GNMT: variants seen among roughly 807,000 people sequenced by gnomAD.
The protein encoded by GNMT is epididymis secretory sperm binding protein Li 182mP.
A neutral mutation model predicts 30.2 loss-of-function variants in GNMT; 26 were observed. That is an observed-to-expected ratio of 0.86 (90% confidence interval 0.63 to 1.19). The LOEUF is 1.19. Among genes scored for constraint, GNMT ranks in the 50% most tolerant of loss-of-function variants. The probability of loss-of-function intolerance (pLI) is 0.00; values close to 1 mark genes in which losing one functional copy is unlikely to be tolerated. For missense variants in GNMT, 365 were observed against 398.1 expected (o/e 0.92, Z 0.71); for synonymous variants, 163 against 163.8 (o/e 1.00, Z 0.04).
At chr6:42,961,550 C>T (rs1375237919) in intron 1 of GNMT, among the ~76,000 whole-genome samples, 4 of 130,612 alleles carry the variant, frequency 3.1e-5, no homozygotes, top group Admixed American at 2.6e-4. Context: ...CTATTTTTCT[C>T]TTTTTTTTTT....
intron 1 of GNMT, among the ~76,000 whole-genome samples, chr6:42,961,276 G>A (rs1769373939): frequency 6.6e-6 from 1 of 152,192 alleles, no homozygotes; most frequent in South Asian, 2.1e-4. Context: ...CAGAGCCACG[G>A]ACAGATTGCA....
At position 42,962,198 on chromosome 6, in the gene GNMT, C is replaced by T; in HGVS notation, c.207-14C>T. 6.2e-7 allele frequency: 1 copy of T among 1,614,090 alleles called. No individual in the cohort carries two copies. Among genetic ancestry groups the T allele is most frequent in the Non-Finnish European group, 8.5e-7 (1 of 1,179,982 alleles). On this transcript the variant is annotated splice_polypyrimidine_tract_variant and intron_variant, in intron 1 of 5. Coordinates refer to ENST00000372808, the MANE Select transcript of GNMT (RefSeq NM_018960.6). ...AACTGCCTCTCTCTGCCTCTCCTCG[C>T]TGGCCGTACTCAGGGTGGACTCCAT...
Position 42,963,543 on chromosome 6 carries a change from G to A in GNMT, c.725G>A (p.Arg242Gln), listed in dbSNP as rs199572656. 26 of 1,614,096 alleles carry A rather than the reference G, an allele frequency of 1.6e-5. No homozygotes were observed. The East Asian group carries it at 2.7e-4, about 17-fold the overall frequency. ...TGGGGCCTCTGTTACAGTAAGTTCCGGCTCTCCTACTACCCACACTGTCTG... is the reference window on the plus strand; with the variant it reads ...TGGGGCCTCTGTTACAGTAAGTTCCAGCTCTCCTACTACCCACACTGTCTG... The part of the protein sequence containing the change: ...QDGSPGLSKF[R>Q]LSYYPHCLAS... The change falls in exon 6 of 6, where the codon CGG becomes CAG. Residue 242 changes from arginine to glutamine, a missense_variant. Coordinates refer to ENST00000372808, the MANE Select transcript of GNMT (RefSeq NM_018960.6).
Position 42,963,753 on chromosome 6 carries a change from C to T in GNMT, c.*47C>T, listed in dbSNP as rs1382700224. 6.3e-7 allele frequency: 1 copy of T among 1,587,856 alleles called. No individual in the cohort carries two copies. The highest frequency in any genetic ancestry group is 8.6e-7 in the Non-Finnish European group (1 of 1,156,888). On this transcript the variant is annotated 3_prime_UTR_variant, in exon 6 of 6. Transcript: ENST00000372808. ...GCCTCTGCCCAGGCACTGCTAGGCT[C>T]TGTCTGGAAGATGGGGACCAGCAGC... is the stretch of plus-strand genomic sequence containing the variant.
chr6:42,963,880 AT>A, downstream of GNMT: 1 of 632,804 alleles, frequency 1.6e-6, no homozygotes, highest in Non-Finnish European at 2.7e-6. Context: ...CAGTTCCTGC[AT>A]GCATTGTGTT....
chr6:42,963,840 A>G lies in GNMT; in HGVS notation c.*134A>G, dbSNP rs1769591442. Reference sequence around the variant, plus strand: ...TGGGGTGCAGGGATGTGGGTTCCACAGACGGAAGGGTAAACAATATAGTCT... The same window carrying G: ...TGGGGTGCAGGGATGTGGGTTCCACGGACGGAAGGGTAAACAATATAGTCT... On this transcript the variant is annotated 3_prime_UTR_variant, in exon 6 of 6. Transcript: ENST00000372808. 2 of 797,384 alleles carry G rather than the reference A, an allele frequency of 2.5e-6. No individual in the cohort carries two copies. The highest frequency in any genetic ancestry group is 2.2e-6 in the Non-Finnish European group (1 of 464,484). The allele number at this position is 797,384 out of a possible 1,614,324, so 49.4% of individuals were successfully genotyped here. A position where few individuals can be genotyped will look rare whatever the true frequency, so the allele number is the denominator to read the frequency against.
intron 1 of GNMT, among the ~76,000 whole-genome samples, chr6:42,961,858 C>T (rs757014037): frequency 6.6e-6 from 1 of 152,150 alleles, no homozygotes; most frequent in Non-Finnish European, 1.5e-5. Flanking sequence ...CGGCTTTGTC[C>T]TGTGCTCTAA....
At chr6:42,963,264 G>A (rs1223404575) in intron 4 of GNMT, 50 bp downstream of exon 4, 2 of 1,529,638 alleles carry the variant, frequency 1.3e-6, no homozygotes, top group Non-Finnish European at 1.8e-6. Context: ...GTGGGGTGGA[G>A]GGAGGGTCCA....
In GNMT at chr6:42,962,229, T is replaced by C; in HGVS notation, c.224T>C (p.Leu75Pro). ...ACGTGVDSIM[L>P]VEEGFSVTSV... ...GTACTCAGGGTGGACTCCATTATGC[T>C]GGTGGAAGAGGGCTTCAGTGTGACG... The change falls in exon 2 of 6, where the codon CTG becomes CCG. Residue 75 changes from leucine (L) to proline (P), a missense_variant. Leu to Pro is a moderately conservative substitution (Grantham distance 98). Transcript: ENST00000372808. 1 of 1,614,144 alleles carries C rather than the reference T, an allele frequency of 6.2e-7. No homozygotes were observed. The highest frequency in any genetic ancestry group is 8.5e-7 in the Non-Finnish European group (1 of 1,180,024).
Position 42,962,870 on chromosome 6 carries a change from A to C in GNMT, c.443A>C (p.Asp148Ala), listed in dbSNP as rs1206611796. ...GGAAACAGTTTCGCTCACTTGCCAG[A>C]CTGCAAAGGTAAGAGAGGGTGTGGC... ...CLGNSFAHLP[D>A]CKGDQSEHRL... Residue 148 changes from aspartate (D) to alanine (A), a missense_variant, in exon 3 of 6, where the codon GAC becomes GCC. Transcript: ENST00000372808. 7 of 1,612,836 alleles carry C rather than the reference A, an allele frequency of 4.3e-6. No homozygotes were observed. The highest frequency in any genetic ancestry group is 1.1e-5 in the South Asian group (1 of 91,062).
intron 1 of GNMT, 110 bp from the exon 2 acceptor site, chr6:42,962,102 G>T: frequency 2.4e-6 from 3 of 1,263,392 alleles, no homozygotes; most frequent in Non-Finnish European, 2.3e-6. Flanking sequence ...GGAGGCAGAG[G>T]AACGGACTCT....
At chr6:42,960,995 G>C in intron 1 of GNMT, 22 bp downstream of exon 1, 1 of 1,526,810 alleles carries the variant, frequency 6.5e-7, no homozygotes. Context: ...CCGGGGCCGG[G>C]GGCGTTGCAT....
chr6:42,962,981 C>G, intron 3 of GNMT, 91 bp from the exon 4 acceptor site: 2 of 1,589,472 alleles, frequency 1.3e-6, no homozygotes, highest in Non-Finnish European at 8.6e-7. Flanking sequence ...TGCCTTGGCT[C>G]TGGCACCCCT....
In GNMT at chr6:42,963,097, G is replaced by A. The variant is rs750649643; in HGVS notation, c.477G>A (p.Ala159=). ...GGGACCAGAGTGAGCACCGGCTGGC[G>A]CTGAAAAACATTGCGAGCATGGTGC... The part of the protein sequence containing the change: ...CKGDQSEHRL[A]LKNIASMVRA... Residue 159 remains alanine (A), a synonymous_variant, in exon 4 of 6, where the codon GCG becomes GCA. Coordinates refer to ENST00000372808, the MANE Select transcript of GNMT (RefSeq NM_018960.6). 1.6e-5 allele frequency: 25 copies of A among 1,612,264 alleles called. No individual in the cohort carries two copies. In the East Asian group the frequency reaches 1.6e-4, roughly 10 times the overall value.
chr6:42,961,904 T>G (rs1769413201), intron 1 of GNMT, among the ~76,000 whole-genome samples: 2 of 152,154 alleles, frequency 1.3e-5, no homozygotes, highest in Non-Finnish European at 2.9e-5. Flanking sequence ...GCACACGTAT[T>G]TTAACTTCAA....
At chr6:42,963,304 T>C in intron 4 of GNMT, 24 bp from the exon 5 acceptor site, 2 of 1,596,866 alleles carry the variant, frequency 1.3e-6, no homozygotes, top group Non-Finnish European at 1.7e-6. Flanking sequence ...CAGAGGCTAA[T>C]GCCGGCTGCC....
intron 2 of GNMT, 75 bp downstream of exon 2, chr6:42,962,414 TGGGGGC>T: frequency 6.7e-7 from 1 of 1,502,242 alleles, no homozygotes; most frequent in Non-Finnish European, 9.2e-7. Flanking sequence ...CTCCTTTAAG[TGGGGGC>T]GGGGGTGGAG....
chr6:42,963,108 T>C lies in GNMT; in HGVS notation c.488T>C (p.Ile163Thr), dbSNP rs145997766. ...QSEHRLALKN[I>T]ASMVRAGGLL... ...GAGCACCGGCTGGCGCTGAAAAACA[T>C]TGCGAGCATGGTGCGGGCAGGGGGC... Residue 163 changes from isoleucine (I) to threonine (T), a missense_variant, in exon 4 of 6, where the codon ATT becomes ACT. By Grantham distance (89) the Ile-to-Thr change is moderately conservative (BLOSUM62 -1). Around this residue, in one of 3 missense-constraint regions of GNMT, gnomAD observed 232 missense variants for 263.0 expected, o/e 0.88. Coordinates refer to ENST00000372808, the MANE Select transcript of GNMT (RefSeq NM_018960.6). 4 of 1,612,496 alleles carry C rather than the reference T, an allele frequency of 2.5e-6. No homozygotes were observed. The highest frequency in any genetic ancestry group is 2.5e-6 in the Non-Finnish European group (3 of 1,179,860).
chr6:42,963,196 G>A lies in GNMT; in HGVS notation c.576G>A (p.Gly192=). The change falls in exon 4 of 6, where the codon GGG becomes GGA. Residue 192 remains glycine, a synonymous_variant. Coordinates refer to ENST00000372808, the MANE Select transcript of GNMT (RefSeq NM_018960.6). ...HILSTGCAPP[G]KNIYYKSDLT... is the part of the protein sequence containing the mutation. ...TCAGTACAGGCTGTGCACCCCCAGG[G>A]AAGAACATCTACTATAAGGTGGGGC... 2 of 1,408,632 alleles carry A rather than the reference G, an allele frequency of 1.4e-6. No homozygotes were observed. Among genetic ancestry groups the A allele is most frequent in the Non-Finnish European group, 1.9e-6 (2 of 1,058,218 alleles). The allele number at this position is 1,408,632 out of a possible 1,614,324, so 87.3% of individuals were successfully genotyped here.
Sources: allele counts gnomAD v4.1 joint callset (sites outside exome capture counted in the v4.1 genomes callset), GRCh38; gene constraint gnomAD v4.1.1; regional missense constraint gnomAD v4.1.1; transcripts MANE v1.5; gene names NCBI Gene and HGNC (gene_info 2026-07-23, HGNC 2026-07-21).